The following RNF128 variants were observed in gnomAD, a reference collection of about 807,000 sequenced individuals.
RNF128 encodes ring finger protein 128, also known as E3 ubiquitin-protein ligase RNF128.
A neutral mutation model predicts 26.2 loss-of-function variants in RNF128; 13 were observed. The observed-to-expected ratio is 0.50, with a 90% CI of 0.32 to 0.79. RNF128 has a LOEUF of 0.79. RNF128 is among the 30% of genes least tolerant of loss of function. RNF128 has a pLI of 0.03. For synonymous variants in RNF128, 149 were observed against 142.5 expected (o/e 1.05, Z -0.32); for missense variants, 315 against 349.7 (o/e 0.90, Z 0.79).
intron 4 of RNF128, 84 bp from the exon 5 acceptor site, chrX:106,790,102 A>G: frequency 1.9e-6 from 1 of 539,916 alleles, no homozygotes; most frequent in Non-Finnish European, 3.1e-6. Flanking sequence ...GACTAAATAA[A>G]GTTACACTAA....
At chrX:106,783,997 C>T (rs968587632) in intron 2 of RNF128, among the ~76,000 whole-genome samples, 1 of 111,410 alleles carries the variant, frequency 9.0e-6, no homozygotes, top group East Asian at 2.8e-4. Flanking sequence ...GGGGGTCACA[C>T]TTCAATGAGA....
intron 6 of RNF128, among the ~76,000 whole-genome samples, chrX:106,792,673 G>T (rs1419504978): frequency 9.0e-6 from 1 of 111,193 alleles, no homozygotes; most frequent in Non-Finnish European, 1.9e-5. Flanking sequence ...TATAACTCCT[G>T]TTTCTCCTTT....
chrX:106,785,832 A>G (rs1749342242), intron 3 of RNF128, among the ~76,000 whole-genome samples: 1 of 112,316 alleles, frequency 8.9e-6, no homozygotes, highest in Admixed American at 9.5e-5. Flanking sequence ...ATTTCAAAAA[A>G]TAGCTATAGA....
intron 1 of RNF128, among the ~76,000 whole-genome samples, chrX:106,769,323 C>T (rs1930320263): frequency 9.0e-6 from 1 of 110,597 alleles, no homozygotes; most frequent in African/African-American, 3.3e-5. Context: ...GTTTTAAAGT[C>T]TCCCATTATT....
intron 1 of RNF128, among the ~76,000 whole-genome samples, chrX:106,759,086 A>G (rs1025821138): frequency 1.7e-4 from 19 of 112,369 alleles, no homozygotes; most frequent in African/African-American, 6.1e-4. Flanking sequence ...ATCACTAAAT[A>G]GGAAAATATC....
chrX:106,715,371 TC>T (rs1438788910), intron 1 of RNF128, among the ~76,000 whole-genome samples: 1 of 112,704 alleles, frequency 8.9e-6, no homozygotes, highest in Non-Finnish European at 1.9e-5. Flanking sequence ...TTTATTCATG[TC>T]TTTTATAATC....
intron 1 of RNF128, among the ~76,000 whole-genome samples, chrX:106,713,971 C>G (rs747419654): frequency 1.4e-4 from 16 of 110,790 alleles, no homozygotes; most frequent in Non-Finnish European, 3.0e-4. Context: ...GTCAGGAGAT[C>G]GAGACCATCC....
chrX:106,770,392 T>C (rs1930348898), intron 1 of RNF128, among the ~76,000 whole-genome samples: 1 of 111,958 alleles, frequency 8.9e-6, no homozygotes, highest in Non-Finnish European at 1.9e-5. Context: ...CAATCAGACG[T>C]AGATTTGGTC....
upstream of RNF128, among the ~76,000 whole-genome samples, chrX:106,723,038 C>T (rs1220051688): frequency 9.0e-6 from 1 of 111,497 alleles, no homozygotes; most frequent in African/African-American, 3.3e-5. Flanking sequence ...TCCATATGAT[C>T]TCTTTAAGTT....
At chrX:106,710,383 TTA>T (rs1285847401) in intron 1 of RNF128, among the ~76,000 whole-genome samples, 1 of 112,269 alleles carries the variant, frequency 8.9e-6, no homozygotes, top group Non-Finnish European at 1.9e-5. Flanking sequence ...GAACTACAGT[TTA>T]TTGAGGATAT....
At chrX:106,702,278 AT>A (rs773713508) in intron 1 of RNF128, among the ~76,000 whole-genome samples, 17 of 111,707 alleles carry the variant, frequency 1.5e-4, no homozygotes, top group African/African-American at 5.5e-4. Flanking sequence ...ATCAAAGAAC[AT>A]TTTGAAAGCA....
chrX:106,721,512 T>A (rs1307402927), intron 1 of RNF128, among the ~76,000 whole-genome samples: 1 of 112,228 alleles, frequency 8.9e-6, no homozygotes, highest in East Asian at 2.8e-4. Flanking sequence ...CATTAAATAG[T>A]GAAGTGCTCA....
chrX:106,749,137 T>C (rs1929838062), intron 1 of RNF128, among the ~76,000 whole-genome samples: 1 of 111,966 alleles, frequency 8.9e-6, no homozygotes, highest in Admixed American at 9.5e-5. Flanking sequence ...AAGCTTCTGG[T>C]CCTGTGTATG....
chrX:106,768,966 G>A (rs1440577341), intron 1 of RNF128, among the ~76,000 whole-genome samples: 1 of 111,948 alleles, frequency 8.9e-6, no homozygotes, highest in Non-Finnish European at 1.9e-5. Flanking sequence ...CCTTCATTTT[G>A]TTATGTACCC....
intron 1 of RNF128, among the ~76,000 whole-genome samples, chrX:106,766,534 A>G (rs1434243817): frequency 8.9e-6 from 1 of 112,235 alleles, no homozygotes; most frequent in African/African-American, 3.2e-5. Context: ...GTCTGTTCAT[A>G]TCCTTTGCCC....
chrX:106,792,553 A>G (rs768399081), intron 6 of RNF128, among the ~76,000 whole-genome samples: 2 of 111,121 alleles, frequency 1.8e-5, no homozygotes, highest in Admixed American at 9.6e-5. Context: ...TGTGTTCTCA[A>G]TTCTGTCCCC....
At chrX:106,768,300 C>T (rs1014123799) in intron 1 of RNF128, among the ~76,000 whole-genome samples, 1 of 111,922 alleles carries the variant, frequency 8.9e-6, no homozygotes, top group African/African-American at 3.3e-5. Context: ...GTACCAGCTT[C>T]TCTTTGTACC....
At chrX:106,784,441 G>A (rs1021604460) in intron 2 of RNF128, among the ~76,000 whole-genome samples, 1 of 111,768 alleles carries the variant, frequency 8.9e-6, no homozygotes, top group Non-Finnish European at 1.9e-5. Context: ...CTAGATATAT[G>A]CTCAGTGAAA....
chrX:106,765,631 G>A (rs189577742), intron 1 of RNF128, among the ~76,000 whole-genome samples: 1 of 110,934 alleles, frequency 9.0e-6, no homozygotes, highest in Non-Finnish European at 1.9e-5. Flanking sequence ...TACAACAGAG[G>A]GTGTCTACAT....
Sources: allele counts gnomAD v4.1 joint callset (sites outside exome capture counted in the v4.1 genomes callset), GRCh38; gene constraint gnomAD v4.1.1; transcripts MANE v1.5; gene names NCBI Gene and HGNC (gene_info 2026-07-23, HGNC 2026-07-21).